Variants in ZNF69 observed in about 807,000 individuals in gnomAD.
ZNF69 encodes zinc finger protein 69, also known as ZNF3.
Under a neutral mutation model 50.9 loss-of-function variants are expected in ZNF69, and 47 were observed. The observed-to-expected ratio is 0.92, with a 90% CI of 0.73 to 1.18. The LOEUF (loss-of-function observed/expected upper bound fraction) is 1.18, where lower values mean the gene tolerates loss of function less well. ZNF69 is among the 50% of genes most tolerant of loss of function. ZNF69 has a pLI of 0.00. For missense variants in ZNF69, 717 were observed against 675.1 expected, an observed-to-expected ratio of 1.06 and a Z score of -0.69; for synonymous variants, 216 against 223.1, an observed-to-expected ratio of 0.97 and a Z score of 0.29.
At chr19:11,896,741 C>A (rs893134329) in intron 1 of ZNF69, among the ~76,000 whole-genome samples, 6 of 152,046 alleles carry the variant, frequency 3.9e-5, no homozygotes, top group African/African-American at 1.4e-4. Flanking sequence ...CATGCCGTAA[C>A]ACCCCCCAAC....
the ZNF69 span, among the ~76,000 whole-genome samples, chr19:11,968,723 T>C: frequency 2.0e-5 from 3 of 151,982 alleles, no homozygotes; most frequent in Admixed American, 2.0e-4. Flanking sequence ...ACTATAGAGA[T>C]CAGTAGTAGA....
the ZNF69 span, among the ~76,000 whole-genome samples, chr19:11,935,039 T>G: frequency 6.9e-6 from 1 of 145,330 alleles, no homozygotes; most frequent in East Asian, 2.1e-4. Context: ...TAGCCAGGCA[T>G]GGTGGCGGGC....
chr19:11,911,458 C>T (rs184780394), downstream of ZNF69, among the ~76,000 whole-genome samples: 32 of 152,188 alleles, frequency 2.1e-4, 1 homozygote, highest in Admixed American at 1.4e-3. Flanking sequence ...ATTAAGAAAA[C>T]GTGGCACATA....
the ZNF69 span, chr19:11,939,974 C>T: frequency 1.3e-5 from 2 of 148,258 alleles, no homozygotes; most frequent in Non-Finnish European, 3.0e-5. Context: ...TTTGAGACAG[C>T]AGGCTGGAGT....
chr19:11,928,198 C>T, the ZNF69 span, among the ~76,000 whole-genome samples: 2 of 152,104 alleles, frequency 1.3e-5, no homozygotes, highest in Non-Finnish European at 2.9e-5. Flanking sequence ...GTTGCCCAGG[C>T]TGGTCTCTGG....
At chr19:11,977,992 C>T in the ZNF69 span, 1 of 1,226,194 alleles carries the variant, frequency 8.2e-7, no homozygotes. Context: ...CATTTACCTT[C>T]AAACAATTCA....
At position 11,904,738 on chromosome 19, in the gene ZNF69, T is replaced by G. The variant is rs781103051; in HGVS notation, c.341T>G (p.Phe114Cys). 19 of 1,613,956 alleles carry G rather than the reference T, an allele frequency of 1.2e-5. No individual in the cohort carries two copies. The South Asian group carries it at 1.8e-4, about 15-fold the overall frequency. The change falls in exon 4 of 4, where the codon TTC becomes TGC. Residue 114 changes from phenylalanine (F) to cysteine (C), a missense_variant. By Grantham distance (205) the Phe-to-Cys change is radical. Coordinates refer to ENST00000429654, the MANE Select transcript of ZNF69 (RefSeq NM_001364730.1). ...CAGGTTCCAGATGACAGGCTGAACT[T>G]CCAGGAGAAGAAAGCTTCTCCTGAA... ...FTQVPDDRLN[F>C]QEKKASPEIK... is the part of the protein sequence containing the mutation.
At chr19:11,932,820 G>A in the ZNF69 span, among the ~76,000 whole-genome samples, 1 of 147,254 alleles carries the variant, frequency 6.8e-6, no homozygotes, top group Non-Finnish European at 1.5e-5. Flanking sequence ...TGTATTTTTA[G>A]TAGAGACGGG....
intron 1 of ZNF69, among the ~76,000 whole-genome samples, chr19:11,896,478 G>A (rs1279802957): frequency 2.0e-5 from 3 of 152,056 alleles, no homozygotes; most frequent in African/African-American, 4.8e-5. Flanking sequence ...TGTTAAGGGA[G>A]CTGGCAGATC....
At chr19:11,907,236 T>C (rs919406335), downstream of ZNF69, among the ~76,000 whole-genome samples, 1 of 152,172 alleles carries the variant, frequency 6.6e-6, no homozygotes, top group Non-Finnish European at 1.5e-5. Flanking sequence ...TGGAACCAAG[T>C]TGGGAAACAC....
At chr19:11,960,806 C>G in the ZNF69 span, among the ~76,000 whole-genome samples, 1 of 152,226 alleles carries the variant, frequency 6.6e-6, no homozygotes, top group Non-Finnish European at 1.5e-5. Flanking sequence ...CTCCTTCATA[C>G]AGTCATACAG....
rs1329822186 is a variant in ZNF69 at position 11,903,608 on chromosome 19, C to T, written c.99C>T (p.Phe33=). The T allele has an allele frequency of 1.1e-5, 17 of 1,614,152 alleles. No individual in the cohort carries two copies. Among genetic ancestry groups the T allele is most frequent in the Non-Finnish European group, 1.4e-5 (17 of 1,180,018 alleles). The change falls in exon 2 of 4, where the codon TTC becomes TTT. Residue 33 remains phenylalanine (F), a synonymous_variant. Coordinates refer to ENST00000429654, the MANE Select transcript of ZNF69 (RefSeq NM_001364730.1). ...PVAFDDVAVN[F]TQEEWALLDI... ...CCTTTGATGATGTTGCTGTGAACTT[C>T]ACCCAGGAGGAGTGGGCTTTGCTGG...
At position 11,905,442 on chromosome 19, in the gene ZNF69, A is replaced by G. The variant is rs573188925; in HGVS notation, c.1045A>G (p.Thr349Ala). The G allele has an allele frequency of 1.2e-6, 2 of 1,614,236 alleles. No homozygotes were observed. Among genetic ancestry groups the G allele is most frequent in the African/African-American group, 1.3e-5 (1 of 75,078 alleles). ...KALSSLTSFQ[T>A]HIRMHSGERP... ...ATTATCCTCTCTTACAAGTTTTCAA[A>G]CACACATAAGAATGCACTCTGGAGA... The change falls in exon 4 of 4, where the codon ACA becomes GCA. Residue 349 changes from threonine to alanine, a missense_variant. Transcript: ENST00000429654.
chr19:11,974,042 T>A, the ZNF69 span, among the ~76,000 whole-genome samples: 4 of 143,036 alleles, frequency 2.8e-5, no homozygotes, highest in South Asian at 8.4e-4. Context: ...CCTCATTGTT[T>A]TCTTTCTTTC....
At chr19:11,974,126 T>TTTCTTTC in the ZNF69 span, among the ~76,000 whole-genome samples, 116 of 55,068 alleles carry the variant, frequency 2.1e-3, no homozygotes, top group Middle Eastern at 0.037. Flanking sequence ...TCTTTCTTTC[T>TTTCTTTC]TTTCTTTCTT....
the ZNF69 span, chr19:11,953,265 C>T: frequency 6.6e-6 from 1 of 152,166 alleles, no homozygotes; most frequent in African/African-American, 2.4e-5. Context: ...AAGACAGTAA[C>T]AATAGAAGTG....
the ZNF69 span, among the ~76,000 whole-genome samples, chr19:11,951,571 T>C: frequency 6.6e-6 from 1 of 152,102 alleles, no homozygotes; most frequent in African/African-American, 2.4e-5. Context: ...AAAAGTTATC[T>C]CATATACCTC....
intron 3 of ZNF69, 83 bp downstream of exon 3, chr19:11,904,048 T>G (rs188732678): frequency 4.1e-6 from 6 of 1,463,548 alleles, no homozygotes; most frequent in Admixed American, 4.1e-5. Flanking sequence ...GTAAAAGAAC[T>G]AAGTCCAGGA....
At chr19:11,925,792 A>C in the ZNF69 span, among the ~76,000 whole-genome samples, 1 of 152,246 alleles carries the variant, frequency 6.6e-6, no homozygotes, top group Non-Finnish European at 1.5e-5. Flanking sequence ...ATGTAAAATA[A>C]AGAAGTTTAT....
Sources: allele counts gnomAD v4.1 joint callset (sites outside exome capture counted in the v4.1 genomes callset), GRCh38; gene constraint gnomAD v4.1.1; transcripts MANE v1.5; gene names NCBI Gene and HGNC (gene_info 2026-07-23, HGNC 2026-07-21).